Variants in ZNF695 observed in about 807,000 individuals in gnomAD.
ZNF695 encodes the protein zinc finger protein SBZF3.
ZNF695 carries 11 observed loss-of-function variants against 11.2 expected under a neutral mutation model. The observed-to-expected ratio is 0.98, with a 90% confidence interval of 0.62 to 1.62. The LOEUF (loss-of-function observed/expected upper bound fraction) is 1.62, where lower values mean the gene tolerates loss of function less well. Ranked by LOEUF, ZNF695 falls within the 40% of genes most tolerant of loss-of-function variation. The probability of loss-of-function intolerance (pLI) is 0.00; values close to 1 mark genes in which losing one functional copy is unlikely to be tolerated. For synonymous variants in ZNF695, 190 were observed against 201.4 expected (o/e 0.94, Z 0.48); for missense variants, 559 against 590.5 (o/e 0.95, Z 0.55).
chr1:247,006,116 T>C (rs942863648), intron 1 of ZNF695, among the ~76,000 whole-genome samples: 1 of 150,890 alleles, frequency 6.6e-6, no homozygotes, highest in Admixed American at 6.6e-5. Flanking sequence ...TCCCAGCTAC[T>C]CGGGAGGCTG....
chr1:246,955,872 G>A (rs1667981844), intron 5 of ZNF695, among the ~76,000 whole-genome samples: 5 of 152,060 alleles, frequency 3.3e-5, no homozygotes, highest in Admixed American at 3.3e-4. Context: ...TCCCTGGGTA[G>A]ACAACGGTCT....
chr1:247,000,133 G>T, intron 1 of ZNF695, 59 bp from the exon 2 acceptor site: 1 of 1,453,786 alleles, frequency 6.9e-7, no homozygotes, highest in South Asian at 1.3e-5. Context: ...TTGACTACAG[G>T]CAAGGAGAGA....
intron 5 of ZNF695, among the ~76,000 whole-genome samples, chr1:246,958,580 T>C (rs1481887728): frequency 6.6e-6 from 1 of 152,126 alleles, no homozygotes; most frequent in African/African-American, 2.4e-5. Context: ...TCCCCAGCCA[T>C]GAGCAAGCAT....
chr1:246,980,875 G>A (rs1052200698), downstream of ZNF695, among the ~76,000 whole-genome samples: 16 of 152,090 alleles, frequency 1.1e-4, no homozygotes, highest in Non-Finnish European at 2.9e-5. Flanking sequence ...TAGATTTAAT[G>A]TAAAAATCCC....
intron 3 of ZNF695, among the ~76,000 whole-genome samples, chr1:246,999,014 A>G (rs889979825): frequency 2.0e-5 from 3 of 147,066 alleles, no homozygotes; most frequent in African/African-American, 7.7e-5. Flanking sequence ...ATATATATAT[A>G]TATGAGCATA....
downstream of ZNF695, among the ~76,000 whole-genome samples, chr1:246,980,735 A>G (rs184102903): frequency 8.5e-5 from 13 of 152,170 alleles, no homozygotes; most frequent in African/African-American, 2.4e-4. Context: ...CCCATTTTTG[A>G]GTGTACATTT....
chr1:246,987,819 T>A lies in ZNF695; in HGVS notation c.696A>T (p.Arg232Ser), dbSNP rs1572525881. ...TGCAATGTTTCTCTCCAACATGAAT[T>A]CTCTTACAGTCAGTAAAGCATGAGC... is the stretch of plus-strand genomic sequence containing the variant. ...NECSCFTDCKRIHVGEKHCKC... is the reference protein window; with the variant it reads ...NECSCFTDCKSIHVGEKHCKC... Residue 232 changes from arginine (R) to serine (S), a missense_variant, in exon 4 of 4, where the codon AGA becomes AGT. By Grantham distance (110) the Arg-to-Ser change is moderately radical (BLOSUM62 -1). Transcript: ENST00000339986. 1 of 1,611,074 alleles carries A rather than the reference T, an allele frequency of 6.2e-7. No homozygotes were observed. The highest frequency in any genetic ancestry group is 1.1e-5 in the South Asian group (1 of 90,310).
chr1:246,997,817 C>T (rs969735080), intron 3 of ZNF695, among the ~76,000 whole-genome samples: 1 of 152,142 alleles, frequency 6.6e-6, no homozygotes, highest in Non-Finnish European at 1.5e-5. Flanking sequence ...CAAATACTTC[C>T]TGTTCTTCTC....
intron 5 of ZNF695, chr1:246,967,469 A>T: frequency 2.2e-6 from 1 of 456,260 alleles, no homozygotes; most frequent in Non-Finnish European, 4.4e-6. Context: ...TGAATGGGGG[A>T]TAAAAGAGAA....
rs941921431 is a variant in ZNF695 at position 246,990,955 on chromosome 1, G to A, written c.260-2700C>T. ...CCAAAACCTATGGGATACAGCAAAAGCAGTACAAACAGGGAAGTTTATAGT... is the reference window on the plus strand; with the variant it reads ...CCAAAACCTATGGGATACAGCAAAAACAGTACAAACAGGGAAGTTTATAGT... On this transcript the variant is annotated intron_variant, in intron 3 of 3. Coordinates refer to ENST00000339986, the MANE Select transcript of ZNF695 (RefSeq NM_020394.5). Among the ~76,000 whole-genome samples the A allele has an allele frequency of 2.6e-5, 4 of 152,008 alleles. No homozygotes were observed. The East Asian group carries it at 5.8e-4, about 22-fold the overall frequency.
chr1:246,956,753 C>T (rs917980526), intron 5 of ZNF695, among the ~76,000 whole-genome samples: 1 of 152,024 alleles, frequency 6.6e-6, no homozygotes, highest in African/African-American at 2.4e-5. Flanking sequence ...TGCTGTGTTG[C>T]CCAAGCTAGT....
At chr1:246,982,715 G>C (rs1307667259), downstream of ZNF695, among the ~76,000 whole-genome samples, 1 of 152,332 alleles carries the variant, frequency 6.6e-6, no homozygotes, top group Admixed American at 6.5e-5. Flanking sequence ...GCTCGTGCCT[G>C]TAATCCCAGC....
rs1311687218 is a variant in ZNF695 at position 246,987,345 on chromosome 1, G to C, written c.1170C>G (p.Thr390=). The C allele has an allele frequency of 1.2e-6, 2 of 1,613,662 alleles. No individual in the cohort carries two copies. The highest frequency in any genetic ancestry group is 1.7e-6 in the Non-Finnish European group (2 of 1,179,884). ...YKCEECGKAF[T]WFSYLIQHKR... ...TATGCTGAATAAGGTATGAGAACCA[G>C]GTAAAAGCTTTGCCACATTCCTCAC... is the stretch of plus-strand genomic sequence containing the variant. Residue 390 remains threonine (T), a synonymous_variant, in exon 4 of 4, where the codon ACC becomes ACG. Coordinates refer to ENST00000339986, the MANE Select transcript of ZNF695 (RefSeq NM_020394.5).
chr1:246,960,312 G>C (rs1668131062), intron 5 of ZNF695, among the ~76,000 whole-genome samples: 1 of 152,154 alleles, frequency 6.6e-6, no homozygotes, highest in Admixed American at 6.5e-5. Flanking sequence ...CAGTAACCTA[G>C]ATGCATTTTG....
intron 4 of ZNF695, among the ~76,000 whole-genome samples, chr1:246,976,101 A>T: frequency 6.6e-6 from 1 of 152,156 alleles, no homozygotes; most frequent in Non-Finnish European, 1.5e-5. Context: ...GGAGACGCTG[A>T]GGGAGAGGCA....
intron 5 of ZNF695, among the ~76,000 whole-genome samples, chr1:246,946,954 A>AT (rs763507933): frequency 1.3e-5 from 2 of 152,024 alleles, no homozygotes; most frequent in Non-Finnish European, 2.9e-5. Flanking sequence ...ATCCTGGTTA[A>AT]TGCAGTGAAA....
intron 4 of ZNF695, among the ~76,000 whole-genome samples, chr1:246,972,803 C>T (rs1034056564): frequency 2.0e-5 from 3 of 151,996 alleles, no homozygotes; most frequent in Admixed American, 1.3e-4. Flanking sequence ...CAGGCGTGAG[C>T]CACTGAGCCC....
chr1:246,992,912 G>T (rs550756007), intron 3 of ZNF695, among the ~76,000 whole-genome samples: 1 of 152,088 alleles, frequency 6.6e-6, no homozygotes, highest in Non-Finnish European at 1.5e-5. Flanking sequence ...CATACTTTTG[G>T]GGGCTTGAAA....
chr1:247,001,093 C>T (rs1478098365), intron 1 of ZNF695, among the ~76,000 whole-genome samples: 2 of 152,102 alleles, frequency 1.3e-5, no homozygotes, highest in Non-Finnish European at 2.9e-5. Flanking sequence ...ACTTAAAAAG[C>T]AGAGTGCAAG....
Sources: allele counts gnomAD v4.1 joint callset (sites outside exome capture counted in the v4.1 genomes callset), GRCh38; gene constraint gnomAD v4.1.1; transcripts MANE v1.5; gene names NCBI Gene and HGNC (gene_info 2026-07-23, HGNC 2026-07-21).